The following SHISA9 variants were observed in gnomAD, a reference collection of about 807,000 sequenced individuals.
The protein encoded by SHISA9 is shisa family member 9.
In SHISA9, 13 loss-of-function variants were observed where a neutral mutation model predicts 38.0. The observed-to-expected ratio is 0.34, with a 90% CI of 0.22 to 0.54. The LOEUF (loss-of-function observed/expected upper bound fraction) is 0.54. Among genes scored for constraint, SHISA9 ranks in the 20% least tolerant of loss-of-function variants. The pLI, the probability that SHISA9 is intolerant of heterozygous loss-of-function variation, is 0.91. For synonymous variants in SHISA9, 275 were observed against 242.0 expected, an observed-to-expected ratio of 1.14 and a Z score of -1.27; for missense variants, 538 against 575.8, an observed-to-expected ratio of 0.93 and a Z score of 0.67.
chr16:13,382,264 A>C, the SHISA9 span, among the ~76,000 whole-genome samples: 1 of 152,218 alleles, frequency 6.6e-6, no homozygotes, highest in Non-Finnish European at 1.5e-5. Flanking sequence ...ACAGTGGCTC[A>C]TGCCTGTAAT....
rs201210384 is a variant in SHISA9, at chr16:13,027,927, C to CAAAA, written c.691+111114_691+111117dup. Among the ~76,000 whole-genome samples, 152 of 28,962 alleles carry CAAAA rather than the reference C, an allele frequency of 5.2e-3. 8 individuals carry two copies. Among genetic ancestry groups the CAAAA allele is most frequent in the Non-Finnish European group, 6.3e-3 (100 of 15,930 alleles). The allele number at this position is 28,962 out of a possible 152,430, so 19.0% of individuals were successfully genotyped here. On this transcript the variant is annotated intron_variant, in intron 2 of 4. Transcript: ENST00000558583. ...GGGTGACTAGAGTGAAGCTCTGTCTCAAAAACAAAAAAAAAAAAAAAAAAA... is the reference window on the plus strand; with the variant it reads ...GGGTGACTAGAGTGAAGCTCTGTCTCAAAAAAAAACAAAAAAAAAAAAAAAAAAA...
At chr16:13,033,174 T>G (rs1157406808) in intron 2 of SHISA9, among the ~76,000 whole-genome samples, 1 of 152,200 alleles carries the variant, frequency 6.6e-6, no homozygotes, top group Admixed American at 6.5e-5. Context: ...ATTATGTTCT[T>G]ATTTCTGAAA....
At chr16:13,515,290 T>G in the SHISA9 span, among the ~76,000 whole-genome samples, 1 of 151,964 alleles carries the variant, frequency 6.6e-6, no homozygotes, top group African/African-American at 2.4e-5. Context: ...CTAAAATAAA[T>G]GTTAAAGGAA....
chr16:13,216,546 CTT>C (rs1472025208), intron 4 of SHISA9, among the ~76,000 whole-genome samples: 1 of 152,176 alleles, frequency 6.6e-6, no homozygotes, highest in African/African-American at 2.4e-5. Context: ...TTCCCAAACA[CTT>C]TTGACATCTG....
At position 13,235,018 on chromosome 16, in the gene SHISA9, T is replaced by C. The variant is rs2051367856; in HGVS notation, c.896-12T>C. 6.5e-7 allele frequency: 1 copy of C among 1,533,082 alleles called. No homozygotes were observed. Among genetic ancestry groups the C allele is most frequent in the Non-Finnish European group, 8.8e-7 (1 of 1,134,964 alleles). 95.0% of individuals were successfully genotyped at this position (1,533,082 alleles called of 1,614,324 possible). The stretch of plus-strand genomic sequence containing the variant: ...TTCTTCCCCTTCTTCATCCACCCGT[T>C]CCGATGTGTAGCTGACAAGGTCAAT... On this transcript the variant is annotated splice_polypyrimidine_tract_variant and intron_variant, in intron 4 of 4. Coordinates refer to ENST00000558583, the MANE Select transcript of SHISA9 (RefSeq NM_001145204.3).
intron 2 of SHISA9, among the ~76,000 whole-genome samples, chr16:13,139,587 C>T (rs2050381825): frequency 6.6e-6 from 1 of 151,854 alleles, no homozygotes; most frequent in Non-Finnish European, 1.5e-5. Flanking sequence ...CTGCTATAAA[C>T]AGAGTTGCCC....
the SHISA9 span, among the ~76,000 whole-genome samples, chr16:13,457,028 C>T: frequency 6.6e-6 from 1 of 152,350 alleles, no homozygotes; most frequent in East Asian, 1.9e-4. Context: ...TTTTGGTGGC[C>T]AGGCACAGTG....
At chr16:13,289,209 T>C in the SHISA9 span, among the ~76,000 whole-genome samples, 1 of 152,204 alleles carries the variant, frequency 6.6e-6, no homozygotes, top group Admixed American at 6.5e-5. Context: ...TGGCATTGTG[T>C]TGTCCTGTCT....
chr16:13,108,315 A>C (rs907340509), intron 2 of SHISA9, among the ~76,000 whole-genome samples: 10 of 152,146 alleles, frequency 6.6e-5, no homozygotes, highest in South Asian at 6.2e-4. Context: ...TTTTTTGTAG[A>C]GATAGGATCT....
intron 2 of SHISA9, among the ~76,000 whole-genome samples, chr16:13,146,678 C>T (rs2050450011): frequency 6.6e-6 from 1 of 152,178 alleles, no homozygotes; most frequent in Non-Finnish European, 1.5e-5. Flanking sequence ...TATGAAGCAA[C>T]AGAAGTACAA....
intron 4 of SHISA9, among the ~76,000 whole-genome samples, chr16:13,217,236 C>T (rs556304317): frequency 6.6e-6 from 1 of 152,108 alleles, no homozygotes; most frequent in East Asian, 1.9e-4. Context: ...AGAGATCTTG[C>T]CACTGCACCC....
At chr16:12,990,575 T>C (rs543142654) in intron 2 of SHISA9, among the ~76,000 whole-genome samples, 1 of 152,354 alleles carries the variant, frequency 6.6e-6, no homozygotes, top group East Asian at 1.9e-4. Context: ...AGTTTTGCTT[T>C]TGGATCAGCG....
intron 2 of SHISA9, among the ~76,000 whole-genome samples, chr16:13,136,585 A>G (rs1001069609): frequency 4.0e-5 from 6 of 151,626 alleles, no homozygotes; most frequent in African/African-American, 1.5e-4. Flanking sequence ...TTTTTAGTAG[A>G]GAAGGGGTTT....
chr16:13,351,592 C>T, the SHISA9 span, among the ~76,000 whole-genome samples: 262 of 152,290 alleles, frequency 1.7e-3, no homozygotes, highest in African/African-American at 6.1e-3. Flanking sequence ...GATAAATCAA[C>T]ACTTGCCCAG....
intron 2 of SHISA9, among the ~76,000 whole-genome samples, chr16:13,165,727 C>T (rs1596694868): frequency 6.6e-6 from 1 of 152,208 alleles, no homozygotes; most frequent in Non-Finnish European, 1.5e-5. Flanking sequence ...AGGTTAGACA[C>T]AGTATCACGT....
intron 2 of SHISA9, among the ~76,000 whole-genome samples, chr16:13,098,794 G>T (rs1435591904): frequency 1.3e-5 from 2 of 152,202 alleles, no homozygotes; most frequent in Admixed American, 6.5e-5. Context: ...GGGTGGTTCT[G>T]GACTCAGAGA....
chr16:13,399,250 T>G, the SHISA9 span, among the ~76,000 whole-genome samples: 1 of 150,842 alleles, frequency 6.6e-6, no homozygotes, highest in Non-Finnish European at 1.5e-5. Flanking sequence ...AGACCCCATC[T>G]CAATTAAAAA....
At chr16:13,407,319 GTC>G in the SHISA9 span, among the ~76,000 whole-genome samples, 1 of 152,058 alleles carries the variant, frequency 6.6e-6, no homozygotes, top group Non-Finnish European at 1.5e-5. Flanking sequence ...GACAGCGCTG[GTC>G]TCTCTCCTGC....
intron 2 of SHISA9, among the ~76,000 whole-genome samples, chr16:12,983,030 C>G (rs576338400): frequency 2.0e-5 from 3 of 152,142 alleles, no homozygotes; most frequent in African/African-American, 7.2e-5. Context: ...GTATTGGGTG[C>G]TATTGAATGT....
Sources: gnomAD v4.1 joint callset for allele counts (sites outside exome capture counted in the v4.1 genomes callset) on GRCh38, gnomAD v4.1.1 for gene constraint, MANE v1.5 for transcripts, NCBI Gene and HGNC (gene_info 2026-07-23, HGNC 2026-07-21) for gene names.